Variants in MAP2 observed in about 807,000 individuals in gnomAD.
MAP2 encodes the protein microtubule associated protein 2, also known as microtubule-associated protein 2.
MAP2 carries 14 observed loss-of-function variants against 137.6 expected under a neutral mutation model. That is an observed-to-expected ratio of 0.10 (90% CI 0.07 to 0.16). The LOEUF (loss-of-function observed/expected upper bound fraction) is 0.16, where lower values mean the gene tolerates loss of function less well. Among genes scored for constraint, MAP2 ranks in the 10% least tolerant of loss-of-function variants. The pLI is 1.00. For synonymous variants in MAP2, 786 were observed against 782.3 expected, an observed-to-expected ratio of 1.00 and a Z score of -0.08; for missense variants, 2,088 against 2,191.5, an observed-to-expected ratio of 0.95 and a Z score of 0.94.
chr2:209,476,686 G>A (rs1707320413), intron 1 of MAP2, among the ~76,000 whole-genome samples: 1 of 151,990 alleles, frequency 6.6e-6, no homozygotes, highest in South Asian at 2.1e-4. Flanking sequence ...CAACCACAGG[G>A]TGCACATTCA....
chr2:209,506,057 G>C (rs971976386), intron 1 of MAP2, among the ~76,000 whole-genome samples: 2 of 152,058 alleles, frequency 1.3e-5, no homozygotes, highest in Admixed American at 6.6e-5. Context: ...ATGACAGTTA[G>C]AGAGTTGTTG....
chr2:209,630,621 T>C (rs978707187), intron 4 of MAP2, among the ~76,000 whole-genome samples: 3 of 152,034 alleles, frequency 2.0e-5, no homozygotes, highest in Non-Finnish European at 4.4e-5. Context: ...ACCCTAAGTC[T>C]TCCCTTCCAC....
intron 2 of MAP2, among the ~76,000 whole-genome samples, chr2:209,544,309 G>C (rs1005692133): frequency 1.1e-4 from 16 of 151,664 alleles, no homozygotes; most frequent in Non-Finnish European, 2.2e-4. Flanking sequence ...TTGTCTTCTA[G>C]CCCAGCAACA....
chr2:209,466,194 T>C (rs1704086349), intron 1 of MAP2, among the ~76,000 whole-genome samples: 1 of 152,202 alleles, frequency 6.6e-6, no homozygotes, highest in Non-Finnish European at 1.5e-5. Flanking sequence ...AATTTGATTT[T>C]ATCAGCTATT....
intron 3 of MAP2, among the ~76,000 whole-genome samples, chr2:209,620,203 A>G (rs1580907925): frequency 6.6e-6 from 1 of 152,188 alleles, no homozygotes; most frequent in East Asian, 1.9e-4. Context: ...CTTGTATACT[A>G]TTTTTACTGC....
chr2:209,427,129 G>C (rs1371581479), intron 1 of MAP2, among the ~76,000 whole-genome samples: 1 of 152,054 alleles, frequency 6.6e-6, no homozygotes, highest in Non-Finnish European at 1.5e-5. Flanking sequence ...ACTGACATGG[G>C]GATTTTAGTA....
chr2:209,718,044 T>A (rs941849620), intron 13 of MAP2, among the ~76,000 whole-genome samples: 3 of 152,212 alleles, frequency 2.0e-5, no homozygotes, highest in African/African-American at 2.4e-5. Context: ...TTTTTTGATA[T>A]CAAAGTCATC....
At chr2:209,565,933 C>T (rs989840193) in intron 2 of MAP2, among the ~76,000 whole-genome samples, 1 of 152,186 alleles carries the variant, frequency 6.6e-6, no homozygotes, top group South Asian at 2.1e-4. Flanking sequence ...GGAAATTTTT[C>T]TAAGCAAAGA....
intron 7 of MAP2, 65 bp from the exon 8 acceptor site, chr2:209,692,559 AT>A: frequency 6.7e-7 from 1 of 1,489,392 alleles, no homozygotes; most frequent in Non-Finnish European, 9.0e-7. Flanking sequence ...TCAAAATATA[AT>A]TTTAAGCTTA....
intron 3 of MAP2, among the ~76,000 whole-genome samples, chr2:209,585,703 A>G (rs924731215): frequency 1.3e-5 from 2 of 152,156 alleles, no homozygotes; most frequent in East Asian, 1.9e-4. Flanking sequence ...GTTTTTCACT[A>G]TCACCATAAT....
At chr2:209,708,681 A>G (rs2064292070) in intron 12 of MAP2, among the ~76,000 whole-genome samples, 1 of 152,214 alleles carries the variant, frequency 6.6e-6, no homozygotes, top group South Asian at 2.1e-4. Flanking sequence ...TTTATTCTCT[A>G]CAAAATTTCA....
At chr2:209,532,909 T>C (rs987342179) in intron 2 of MAP2, among the ~76,000 whole-genome samples, 9 of 152,204 alleles carry the variant, frequency 5.9e-5, no homozygotes, top group African/African-American at 2.2e-4. Flanking sequence ...GCCTGCTCTC[T>C]GGTGAACTCA....
intron 2 of MAP2, among the ~76,000 whole-genome samples, chr2:209,526,500 TTTTC>T (rs1293290629): frequency 6.6e-6 from 1 of 151,404 alleles, no homozygotes; most frequent in African/African-American, 2.4e-5. Context: ...TTCTTTATTT[TTTTC>T]TTTCTTTTTT....
Position 209,710,129 on chromosome 2 carries a change from C to T in MAP2, c.4948C>T (p.Pro1650Ser). 1 of 1,614,058 alleles carries T rather than the reference C, an allele frequency of 6.2e-7. No homozygotes were observed. Among genetic ancestry groups the T allele is most frequent in the Non-Finnish European group, 8.5e-7 (1 of 1,180,010 alleles). ...GAAGAAGGTCGCCATCATACGTACT[C>T]CTCCAAAATCTCCTGCGACTCCCAA... ...SEKKVAIIRT[P>S]PKSPATPKQL... The change falls in exon 13 of 16, where the codon CCT becomes TCT. Residue 1650 changes from proline to serine, a missense_variant. This residue lies in a region of MAP2 where 591 missense variants were observed against 642.6 expected (regional missense o/e 0.92). Transcript: ENST00000682079.
intron 7 of MAP2, chr2:209,690,560 A>C: frequency 8.1e-7 from 1 of 1,230,974 alleles, no homozygotes; most frequent in Non-Finnish European, 1.0e-6. Context: ...CGTTTCATGT[A>C]TTGTTCTGTG....
chr2:209,470,241 A>G (rs1251266624), intron 1 of MAP2, among the ~76,000 whole-genome samples: 2 of 152,198 alleles, frequency 1.3e-5, no homozygotes, highest in East Asian at 1.9e-4. Context: ...GGAGAAGATC[A>G]TTAGAAACAG....
chr2:209,434,985 T>C (rs1695554626), intron 1 of MAP2, among the ~76,000 whole-genome samples: 1 of 147,748 alleles, frequency 6.8e-6, no homozygotes, highest in Admixed American at 6.8e-5. Flanking sequence ...AATTCAAATA[T>C]ATTTTAAATT....
intron 3 of MAP2, among the ~76,000 whole-genome samples, chr2:209,611,294 G>A (rs2086776383): frequency 6.6e-6 from 1 of 152,012 alleles, no homozygotes; most frequent in Non-Finnish European, 1.5e-5. Context: ...AGAATCCCTG[G>A]AATAGAACTC....
At chr2:209,498,299 T>G (rs1032588453) in intron 1 of MAP2, among the ~76,000 whole-genome samples, 1 of 152,238 alleles carries the variant, frequency 6.6e-6, no homozygotes, top group Non-Finnish European at 1.5e-5. Context: ...AGGGGGCTCC[T>G]AAGGCCTTGG....
Sources: allele counts gnomAD v4.1 joint callset (sites outside exome capture counted in the v4.1 genomes callset), GRCh38; gene constraint gnomAD v4.1.1; regional missense constraint gnomAD v4.1.1; transcripts MANE v1.5; gene names NCBI Gene and HGNC (gene_info 2026-07-23, HGNC 2026-07-21).